Variants in KCNN2 observed in about 807,000 individuals in gnomAD.
KCNN2 encodes the protein small conductance calcium-activated potassium channel protein 2.
KCNN2 carries 24 observed loss-of-function variants against 55.5 expected under a neutral mutation model. The ratio of observed to expected loss-of-function variants is 0.43; its 90% CI spans 0.31 to 0.61. The LOEUF is 0.61. Among genes scored for constraint, KCNN2 ranks in the 20% least tolerant of loss-of-function variants. The probability of loss-of-function intolerance (pLI) is 0.08; values close to 1 mark genes in which losing one functional copy is unlikely to be tolerated. For synonymous variants in KCNN2, 431 were observed against 336.1 expected (o/e 1.28, Z -3.09); for missense variants, 754 against 853.6 (o/e 0.88, Z 1.45).
intron 2 of KCNN2, among the ~76,000 whole-genome samples, chr5:114,295,590 G>A (rs1453034210): frequency 1.3e-5 from 2 of 152,114 alleles, no homozygotes; most frequent in Admixed American, 1.3e-4. Context: ...AGATTTTCCA[G>A]GTGCCATCTG....
At chr5:114,444,754 G>A (rs1760340743) in intron 3 of KCNN2, among the ~76,000 whole-genome samples, 1 of 152,146 alleles carries the variant, frequency 6.6e-6, no homozygotes, top group Admixed American at 6.5e-5. Flanking sequence ...AGCACCATTT[G>A]GGTGTCTGGG....
At chr5:114,230,358 G>A (rs2112603133) in intron 2 of KCNN2, among the ~76,000 whole-genome samples, 1 of 134,188 alleles carries the variant, frequency 7.5e-6, no homozygotes, top group East Asian at 2.3e-4. Flanking sequence ...ATGTATACAT[G>A]TGCCATGCTG....
At chr5:114,404,353 T>C in intron 2 of KCNN2, 85 bp from the exon 3 acceptor site, 1 of 1,069,610 alleles carries the variant, frequency 9.3e-7, no homozygotes, top group East Asian at 2.4e-5. Context: ...CTAAAAGTCA[T>C]CTGTTGTGTG....
At chr5:114,149,045 A>G (rs1389856928) in intron 1 of KCNN2, among the ~76,000 whole-genome samples, 1 of 152,184 alleles carries the variant, frequency 6.6e-6, no homozygotes. Context: ...AGGTCCATAG[A>G]ACCTTTGTCA....
chr5:114,353,803 A>C (rs745772957), intron 2 of KCNN2, among the ~76,000 whole-genome samples: 11 of 151,966 alleles, frequency 7.2e-5, no homozygotes, highest in Non-Finnish European at 1.5e-4. Context: ...ATGAGAAGTC[A>C]GTGGTTGATC....
chr5:114,346,556 G>A (rs546967176), intron 2 of KCNN2, among the ~76,000 whole-genome samples: 10 of 152,148 alleles, frequency 6.6e-5, no homozygotes, highest in Non-Finnish European at 1.3e-4. Context: ...CTGAACTCTG[G>A]TATTGCATTA....
intron 2 of KCNN2, among the ~76,000 whole-genome samples, chr5:114,266,932 C>G (rs543439397): frequency 6.6e-6 from 1 of 151,994 alleles, no homozygotes; most frequent in Non-Finnish European, 1.5e-5. Context: ...TTCTAACAAC[C>G]CTCTCTTAGT....
chr5:114,193,894 T>C (rs1753498765), intron 1 of KCNN2, among the ~76,000 whole-genome samples: 1 of 152,124 alleles, frequency 6.6e-6, no homozygotes, highest in Non-Finnish European at 1.5e-5. Flanking sequence ...ATAATTCACA[T>C]GCTGTACAAT....
chr5:114,463,795 T>C (rs1304058804), intron 4 of KCNN2, among the ~76,000 whole-genome samples: 1 of 152,106 alleles, frequency 6.6e-6, no homozygotes, highest in African/African-American at 2.4e-5. Context: ...GTTTTGGGCC[T>C]GGGGGAGAGG....
chr5:114,163,477 A>T (rs954113317), intron 1 of KCNN2, among the ~76,000 whole-genome samples: 4 of 152,136 alleles, frequency 2.6e-5, no homozygotes, highest in African/African-American at 9.7e-5. Context: ...TACCTAGTTT[A>T]TTGAGAATTT....
intron 1 of KCNN2, among the ~76,000 whole-genome samples, chr5:114,088,944 A>C (rs1281512716): frequency 1.3e-5 from 2 of 152,164 alleles, no homozygotes; most frequent in Admixed American, 1.3e-4. Context: ...TAAATATTGT[A>C]ATATCAGTTT....
chr5:114,219,766 A>G (rs1032517431), intron 1 of KCNN2, among the ~76,000 whole-genome samples: 1 of 152,034 alleles, frequency 6.6e-6, no homozygotes, highest in Admixed American at 6.6e-5. Context: ...TTCTGCCTAG[A>G]ATTTCTCTGC....
chr5:114,496,307 AC>A lies in KCNN2; in HGVS notation c.*127del. On this transcript the variant is annotated 3_prime_UTR_variant, in exon 8 of 8. Coordinates refer to ENST00000673685, the MANE Select transcript of KCNN2 (RefSeq NM_021614.4). ...GGGTTCTGATGTCAGAATCCTGGGA[AC>A]CTGAACACTAAGTTTTAGGCCAAAA... 9.5e-7 allele frequency: 1 copy of A among 1,057,684 alleles called. No homozygotes were observed. Among genetic ancestry groups the A allele is most frequent in the Non-Finnish European group, 1.3e-6 (1 of 750,692 alleles). The allele number at this position is 1,057,684 out of a possible 1,614,324, so 65.5% of individuals were successfully genotyped here.
At chr5:114,177,806 A>T (rs529428040) in intron 1 of KCNN2, among the ~76,000 whole-genome samples, 3 of 152,270 alleles carry the variant, frequency 2.0e-5, no homozygotes, top group Admixed American at 6.5e-5. Context: ...AATTTAAGAC[A>T]TTATCTTCTC....
chr5:114,223,057 A>G (rs969687914), intron 2 of KCNN2, among the ~76,000 whole-genome samples: 3 of 136,132 alleles, frequency 2.2e-5, no homozygotes, highest in African/African-American at 5.5e-5. Context: ...ATTTTCTACA[A>G]GACAAAATGT....
chr5:114,157,345 TTATGGCTGCCTAG>T (rs1752657910), intron 1 of KCNN2, among the ~76,000 whole-genome samples: 1 of 152,152 alleles, frequency 6.6e-6, no homozygotes, highest in Non-Finnish European at 1.5e-5. Flanking sequence ...TCATCATTTT[TTATGGCTGCCTAG>T]TATTCCCTGG....
At chr5:114,276,523 T>A in intron 2 of KCNN2, among the ~76,000 whole-genome samples, 1 of 152,310 alleles carries the variant, frequency 6.6e-6, no homozygotes, top group East Asian at 1.9e-4. Context: ...CTGTATTGGG[T>A]GCATATATAT....
chr5:114,146,103 C>G lies in KCNN2; in HGVS notation c.-270-75377C>G, dbSNP rs564794211. Among the ~76,000 whole-genome samples, 94 of 152,138 alleles carry G rather than the reference C, an allele frequency of 6.2e-4. 1 individual carries two copies. Among genetic ancestry groups the G allele is most frequent in the Middle Eastern group, 3.4e-3 (1 of 294 alleles). On this transcript the variant is annotated intron_variant, in intron 1 of 10. Transcript: ENST00000512097. ...CCTCTTCCCCACGTTAAAATAGAAG[C>G]TTTTGACCATATATTAGATTGAACA...
chr5:114,460,307 G>A (rs1447222155), intron 3 of KCNN2, among the ~76,000 whole-genome samples: 2 of 152,060 alleles, frequency 1.3e-5, no homozygotes, highest in Non-Finnish European at 2.9e-5. Flanking sequence ...TGGCAGTGCA[G>A]TCTTGGCTCA....
Sources: allele counts gnomAD v4.1 joint callset (sites outside exome capture counted in the v4.1 genomes callset), GRCh38; gene constraint gnomAD v4.1.1; transcripts MANE v1.5; gene names NCBI Gene and HGNC (gene_info 2026-07-23, HGNC 2026-07-21).